Variants in IGFL2 observed in about 807,000 individuals in gnomAD.
IGFL2 encodes the protein insulin growth factor-like family member 2.
Under a neutral mutation model 13.9 loss-of-function variants are expected in IGFL2, and 7 were observed. The ratio of observed to expected loss-of-function variants is 0.51; its 90% CI spans 0.29 to 0.95. IGFL2 has a LOEUF of 0.95. Ranked by LOEUF, IGFL2 falls within the 40% of genes least tolerant of loss-of-function variation. The probability of loss-of-function intolerance (pLI) is 0.08; values close to 1 mark genes in which losing one functional copy is unlikely to be tolerated. For missense variants in IGFL2, 138 were observed against 147.8 expected (o/e 0.93, Z 0.34); for synonymous variants, 55 against 55.8 (o/e 0.99, Z 0.07).
chr19:46,085,866 T>C, the IGFL2 span, among the ~76,000 whole-genome samples: 1 of 152,206 alleles, frequency 6.6e-6, no homozygotes, highest in Non-Finnish European at 1.5e-5. Flanking sequence ...GATTTTCTTT[T>C]CTCCTTTGCA....
At chr19:46,159,238 G>A (rs1296678859) in intron 1 of IGFL2, 1 of 152,184 alleles carries the variant, frequency 6.6e-6, no homozygotes, top group Non-Finnish European at 1.5e-5. Context: ...GTGGTTTGGG[G>A]CATCATCTTT....
At chr19:46,085,454 AC>A in the IGFL2 span, among the ~76,000 whole-genome samples, 1 of 151,956 alleles carries the variant, frequency 6.6e-6, no homozygotes, top group African/African-American at 2.4e-5. Context: ...AAGAATAGCA[AC>A]CCCTGCTCTT....
chr19:46,176,830 C>G, the IGFL2 span, among the ~76,000 whole-genome samples: 3 of 152,196 alleles, frequency 2.0e-5, no homozygotes, highest in African/African-American at 7.2e-5. Flanking sequence ...GCGCCCCATC[C>G]TCTCTGGTCC....
the IGFL2 span, among the ~76,000 whole-genome samples, chr19:46,201,180 G>A: frequency 6.6e-6 from 1 of 152,122 alleles, no homozygotes; most frequent in Admixed American, 6.6e-5. Flanking sequence ...CCATTACCCA[G>A]CTCCAGACTC....
At chr19:46,143,390 T>TTTC (rs1390744900), upstream of IGFL2, among the ~76,000 whole-genome samples, 2 of 151,872 alleles carry the variant, frequency 1.3e-5, no homozygotes, top group Non-Finnish European at 2.9e-5. Flanking sequence ...CGTTTTTTGT[T>TTTC]TTCTTCTTCT....
the IGFL2 span, among the ~76,000 whole-genome samples, chr19:46,185,124 A>T: frequency 6.6e-6 from 1 of 152,140 alleles, no homozygotes; most frequent in Non-Finnish European, 1.5e-5. Context: ...AATTTGTTTA[A>T]GTTCTTTGTA....
chr19:46,115,687 A>G, the IGFL2 span, among the ~76,000 whole-genome samples: 1 of 152,136 alleles, frequency 6.6e-6, no homozygotes, highest in African/African-American at 2.4e-5. Context: ...TGCAGCCAAT[A>G]CCTAGCCAAT....
At chr19:46,169,500 C>A in the IGFL2 span, among the ~76,000 whole-genome samples, 16 of 152,120 alleles carry the variant, frequency 1.1e-4, no homozygotes, top group Non-Finnish European at 2.1e-4. Context: ...ATAAATAAAT[C>A]TGTATTGGTG....
chr19:46,165,723 A>G (rs551434931), downstream of IGFL2, among the ~76,000 whole-genome samples: 2 of 152,340 alleles, frequency 1.3e-5, no homozygotes, highest in South Asian at 4.1e-4. Flanking sequence ...TTGGATAGCC[A>G]TGGTCATCCA....
the IGFL2 span, among the ~76,000 whole-genome samples, chr19:46,107,665 T>G: frequency 6.6e-6 from 1 of 152,206 alleles, no homozygotes; most frequent in Non-Finnish European, 1.5e-5. Context: ...GGCTGCCTCT[T>G]TTTTATTATT....
upstream of IGFL2, among the ~76,000 whole-genome samples, chr19:46,142,682 G>T (rs763813885): frequency 6.6e-6 from 1 of 152,206 alleles, no homozygotes; most frequent in Non-Finnish European, 1.5e-5. Context: ...ACCCATGCTG[G>T]GTGAAACCCT....
At chr19:46,149,174 T>A in intron 1 of IGFL2, 1 of 612,418 alleles carries the variant, frequency 1.6e-6, no homozygotes, top group South Asian at 1.8e-5. Context: ...TCTCTCTCTC[T>A]CTTCTCTCTC....
At chr19:46,111,973 C>G in the IGFL2 span, 4 of 152,148 alleles carry the variant, frequency 2.6e-5, no homozygotes, top group Non-Finnish European at 4.4e-5. Flanking sequence ...AAACAGAAAG[C>G]TTTGTTACAT....
At chr19:46,124,171 T>A in the IGFL2 span, 19 of 1,610,338 alleles carry the variant, frequency 1.2e-5, no homozygotes, top group Non-Finnish European at 1.6e-5. Flanking sequence ...GGGCAGACAT[T>A]GATGGTGTAC....
At chr19:46,097,263 A>T in the IGFL2 span, among the ~76,000 whole-genome samples, 1 of 152,144 alleles carries the variant, frequency 6.6e-6, no homozygotes, top group Non-Finnish European at 1.5e-5. Context: ...TGTGTCCAGA[A>T]ATTTGTCCAT....
the IGFL2 span, among the ~76,000 whole-genome samples, chr19:46,091,663 G>C: frequency 6.6e-5 from 10 of 152,206 alleles, no homozygotes; most frequent in African/African-American, 2.4e-4. Flanking sequence ...GTTCAACTTA[G>C]AGTCCTAATG....
the IGFL2 span, among the ~76,000 whole-genome samples, chr19:46,114,715 C>A: frequency 9.2e-5 from 14 of 152,182 alleles, no homozygotes; most frequent in Non-Finnish European, 1.8e-4. Flanking sequence ...GCCTTGGTTC[C>A]CCTTTGCCTT....
At chr19:46,098,134 C>T in the IGFL2 span, among the ~76,000 whole-genome samples, 1 of 152,208 alleles carries the variant, frequency 6.6e-6, no homozygotes, top group Admixed American at 6.5e-5. Flanking sequence ...GTGTGGGAGT[C>T]TAAGTCTCTT....
intron 1 of IGFL2, among the ~76,000 whole-genome samples, chr19:46,152,150 C>T (rs1229333299): frequency 6.6e-6 from 1 of 151,868 alleles, no homozygotes; most frequent in Non-Finnish European, 1.5e-5. Flanking sequence ...TTCCTAATTT[C>T]ATATTTAGAT....
Sources: allele counts gnomAD v4.1 joint callset (sites outside exome capture counted in the v4.1 genomes callset), GRCh38; gene constraint gnomAD v4.1.1; transcripts MANE v1.5; gene names NCBI Gene and HGNC (gene_info 2026-07-23, HGNC 2026-07-21).